The following IKBKB variants were observed in gnomAD, a reference collection of about 807,000 sequenced individuals.
IKBKB encodes inhibitor of nuclear factor kappa-B kinase subunit beta.
In IKBKB, 42 loss-of-function variants were observed where a neutral mutation model predicts 113.6. The observed-to-expected ratio is 0.37, with a 90% CI of 0.29 to 0.48. The LOEUF is 0.48. Among genes scored for constraint, IKBKB ranks in the 20% least tolerant of loss-of-function variants. IKBKB has a pLI of 0.99. For synonymous variants in IKBKB, 296 were observed against 361.3 expected (o/e 0.82, Z 2.05); for missense variants, 673 against 939.7 (o/e 0.72, Z 3.71).
At chr8:42,321,186 A>G (rs1327441520) in intron 16 of IKBKB, 4 of 200,384 alleles carry the variant, frequency 2.0e-5, no homozygotes, top group African/African-American at 2.3e-5. Context: ...CATAGCTCAG[A>G]GCAGAAAGTA....
At chr8:42,311,223 A>G (rs1481794887) in intron 8 of IKBKB, among the ~76,000 whole-genome samples, 1 of 152,184 alleles carries the variant, frequency 6.6e-6, no homozygotes, top group Non-Finnish European at 1.5e-5. Flanking sequence ...CAAAACATGA[A>G]TGTTTTCAGA....
At chr8:42,295,100 T>C (rs185605293) in intron 5 of IKBKB, among the ~76,000 whole-genome samples, 159 of 151,778 alleles carry the variant, frequency 1.0e-3, no homozygotes, top group African/African-American at 2.6e-3. Flanking sequence ...CTTTAGCAAG[T>C]AGTTATTACG....
chr8:42,279,923 A>G (rs1585538477), intron 2 of IKBKB, among the ~76,000 whole-genome samples: 1 of 152,172 alleles, frequency 6.6e-6, no homozygotes, highest in South Asian at 2.1e-4. Context: ...ATCAGGGCTC[A>G]CTGTAGCCTT....
chr8:42,273,414 C>T (rs1031807804), intron 2 of IKBKB, among the ~76,000 whole-genome samples: 5 of 128,048 alleles, frequency 3.9e-5, no homozygotes, highest in African/African-American at 2.2e-4. Context: ...GACCCTGTCT[C>T]AAAAAATATA....
intron 2 of IKBKB, among the ~76,000 whole-genome samples, chr8:42,274,185 C>G (rs970177866): frequency 2.6e-5 from 4 of 152,000 alleles, no homozygotes; most frequent in Admixed American, 6.6e-5. Flanking sequence ...TGTGCACCAC[C>G]ATGCCAGCTA....
intron 20 of IKBKB, among the ~76,000 whole-genome samples, chr8:42,327,362 C>G (rs1358350872): frequency 7.9e-6 from 1 of 126,036 alleles, no homozygotes. Flanking sequence ...GAGACAGACT[C>G]TTGCTCTGTT....
chr8:42,272,377 T>C, intron 2 of IKBKB, 172 bp downstream of exon 2: 1 of 752,282 alleles, frequency 1.3e-6, no homozygotes, highest in Non-Finnish European at 2.2e-6. Context: ...GACTCCAGGT[T>C]AGTGGTCTCC....
chr8:42,329,476 C>G (rs1821406975), intron 21 of IKBKB: 1 of 826,610 alleles, frequency 1.2e-6, no homozygotes, highest in Non-Finnish European at 1.5e-6. Flanking sequence ...GCGTGCGTCA[C>G]CACATTCAGC....
Position 42,331,072 on chromosome 8 carries a change from C to T in IKBKB, c.*93C>T. The T allele has an allele frequency of 6.3e-7, 1 of 1,585,464 alleles. No individual in the cohort carries two copies. Among genetic ancestry groups the T allele is most frequent in the African/African-American group, 1.3e-5 (1 of 74,624 alleles). On this transcript the variant is annotated 3_prime_UTR_variant, in exon 22 of 22. Transcript: ENST00000520810. ...CCCCCTGACATGGGGCTGCCTGGAG[C>T]AGGCCGCGTGACGTGGGGCTGCCTG...
chr8:42,274,974 T>A (rs1057103544), intron 2 of IKBKB, among the ~76,000 whole-genome samples: 4 of 151,990 alleles, frequency 2.6e-5, no homozygotes, highest in Non-Finnish European at 5.9e-5. Flanking sequence ...TCTCCCAGGT[T>A]CAAGCGATTC....
Position 42,325,791 on chromosome 8 carries a change from CT to C in IKBKB, c.1987-175del, listed in dbSNP as rs546401152. ...AAAAGTCTCCGTTGATACAGAAACA[CT>C]TTTGAAGCCAGATGTGAAGCACCAG... On this transcript the variant is annotated intron_variant, in intron 19 of 21. Transcript: ENST00000520810. The C allele has an allele frequency of 5.8e-4, 844 of 1,448,212 alleles. 3 individuals are homozygous for C. Among genetic ancestry groups the C allele is most frequent in the South Asian group, 1.8e-3 (126 of 69,142 alleles). The allele number at this position is 1,448,212 out of a possible 1,614,324, so 89.7% of individuals were successfully genotyped here.
chr8:42,325,458 C>G, intron 19 of IKBKB: 1 of 921,804 alleles, frequency 1.1e-6, no homozygotes, highest in Non-Finnish European at 1.3e-6. Flanking sequence ...TGAGGCAGAT[C>G]ACCTGAGGTC....
chr8:42,290,137 T>A lies in IKBKB; in HGVS notation c.201-19T>A. ...GGGCAGGAGCCTGGGTCTGCTCTCA[T>A]CGGTTTTCCTCCTCCTAGGCTGACC... On this transcript the variant is annotated intron_variant, in intron 3 of 21. Transcript: ENST00000520810. 1 of 1,580,976 alleles carries A rather than the reference T, an allele frequency of 6.3e-7. No homozygotes were observed. The highest frequency in any genetic ancestry group is 8.7e-7 in the Non-Finnish European group (1 of 1,150,462).
chr8:42,325,829 G>C, intron 19 of IKBKB, 141 bp from the exon 20 acceptor site: 1 of 1,491,460 alleles, frequency 6.7e-7, no homozygotes, highest in Non-Finnish European at 8.9e-7. Flanking sequence ...TGACCCGCAG[G>C]TGGGGGTGCC....
intron 2 of IKBKB, among the ~76,000 whole-genome samples, chr8:42,274,326 G>A (rs1035710912): frequency 6.6e-6 from 1 of 151,992 alleles, no homozygotes; most frequent in African/African-American, 2.4e-5. Flanking sequence ...CACTACGTCC[G>A]GCCTGAAATA....
intron 2 of IKBKB, among the ~76,000 whole-genome samples, chr8:42,281,996 GATGTGCTCCCCC>G (rs1260373887): frequency 6.6e-6 from 1 of 152,152 alleles, no homozygotes; most frequent in Non-Finnish European, 1.5e-5. Context: ...TTGGTCTGAG[GATGTGCTCCCCC>G]TCTGCCTTTT....
chr8:42,307,740 G>C (rs185453996), intron 7 of IKBKB, among the ~76,000 whole-genome samples: 1 of 152,102 alleles, frequency 6.6e-6, no homozygotes, highest in Non-Finnish European at 1.5e-5. Context: ...GAGCAAGGGG[G>C]ACCCCATGCT....
intron 9 of IKBKB, among the ~76,000 whole-genome samples, chr8:42,314,781 A>AG (rs1818365375): frequency 6.6e-6 from 1 of 151,632 alleles, no homozygotes; most frequent in Non-Finnish European, 1.5e-5. Flanking sequence ...TCTCAAAAAA[A>AG]AAAAAAAAGA....
At chr8:42,280,949 C>G (rs1325781211) in intron 2 of IKBKB, among the ~76,000 whole-genome samples, 1 of 152,106 alleles carries the variant, frequency 6.6e-6, no homozygotes, top group South Asian at 2.1e-4. Context: ...AGCCTGGGCC[C>G]GAGCTCTGTC....
Sources: allele counts gnomAD v4.1 joint callset (sites outside exome capture counted in the v4.1 genomes callset), GRCh38; gene constraint gnomAD v4.1.1; transcripts MANE v1.5; gene names NCBI Gene and HGNC (gene_info 2026-07-23, HGNC 2026-07-21).